GABRG1: variants seen among roughly 807,000 people sequenced by gnomAD.
GABRG1 encodes the protein gamma-aminobutyric acid type A receptor subunit gamma1, also known as gamma-aminobutyric acid receptor subunit gamma-1.
A neutral mutation model predicts 49.8 loss-of-function variants in GABRG1; 49 were observed. The observed-to-expected ratio is 0.98, with a 90% CI of 0.78 to 1.25. The LOEUF (loss-of-function observed/expected upper bound fraction) is 1.25, where lower values mean the gene tolerates loss of function less well. Among genes scored for constraint, GABRG1 ranks in the 50% most tolerant of loss-of-function variants. GABRG1 has a pLI of 0.00. For synonymous variants in GABRG1, 232 were observed against 185.1 expected, an observed-to-expected ratio of 1.25 and a Z score of -2.06; for missense variants, 552 against 552.3, an observed-to-expected ratio of 1.00 and a Z score of 0.01.
Position 46,040,918 on chromosome 4 carries a change from G to T in GABRG1, c.*70C>A. 1 of 1,441,194 alleles carries T rather than the reference G, an allele frequency of 6.9e-7. No individual in the cohort carries two copies. The highest frequency in any genetic ancestry group is 9.4e-7 in the Non-Finnish European group (1 of 1,060,100). The allele number at this position is 1,441,194 out of a possible 1,614,324, so 89.3% of individuals were successfully genotyped here. Reference sequence around the variant, plus strand: ...TCTGCATTTTAAATTTAAACTTCAAGTTACTGAAGCACAAAAGATTCTACT... The same window carrying T: ...TCTGCATTTTAAATTTAAACTTCAATTTACTGAAGCACAAAAGATTCTACT... On this transcript the variant is annotated 3_prime_UTR_variant, in exon 9 of 9. Transcript: ENST00000295452.
chr4:46,106,749 T>C (rs1347741720), intron 1 of GABRG1, among the ~76,000 whole-genome samples: 1 of 149,928 alleles, frequency 6.7e-6, no homozygotes, highest in East Asian at 2.0e-4. Flanking sequence ...TTCAGTCATT[T>C]TTTTGGTATA....
chr4:46,121,910 G>A (rs1370324746), intron 1 of GABRG1, among the ~76,000 whole-genome samples: 1 of 152,008 alleles, frequency 6.6e-6, no homozygotes, highest in Non-Finnish European at 1.5e-5. Flanking sequence ...AAAGTCCATA[G>A]TATTCACACT....
At chr4:46,121,755 G>A (rs1027842942) in intron 1 of GABRG1, among the ~76,000 whole-genome samples, 3 of 151,258 alleles carry the variant, frequency 2.0e-5, no homozygotes, top group Admixed American at 1.3e-4. Flanking sequence ...AGGCCGTAAG[G>A]GCTAATTAGA....
In GABRG1 at chr4:46,039,145, A is replaced by C. The variant is rs1435544836; in HGVS notation, c.*1843T>G. 3.3e-5 allele frequency: 5 copies of C among 151,720 alleles called. No individual in the cohort carries two copies. The highest frequency in any genetic ancestry group is 5.9e-5 in the Non-Finnish European group (4 of 67,730). 9.4% of individuals were successfully genotyped at this position (151,720 alleles called of 1,614,324 possible). A position where few individuals can be genotyped will look rare whatever the true frequency, so the allele number is the denominator to read the frequency against. On this transcript the variant is annotated 3_prime_UTR_variant, in exon 9 of 9. Coordinates refer to ENST00000295452, the MANE Select transcript of GABRG1 (RefSeq NM_173536.4). ...TTTATTTATCCTTAAATGAATGCTCACTTTCAAAACATCCATCAGTACTCA... is the reference window on the plus strand; with the variant it reads ...TTTATTTATCCTTAAATGAATGCTCCCTTTCAAAACATCCATCAGTACTCA...
chr4:46,048,370 A>AGAAGGAAGGAAGGAAGGAAGGAAGGAAG (rs143416418), intron 8 of GABRG1, among the ~76,000 whole-genome samples: 8 of 121,392 alleles, frequency 6.6e-5, no homozygotes, highest in Admixed American at 4.4e-4. Flanking sequence ...AATGGAATAG[A>AGAAGGAAGGAAGGAAGGAAGGAAGGAAG]GAAGGAAGGA....
intron 3 of GABRG1, among the ~76,000 whole-genome samples, chr4:46,077,694 T>C (rs1355877114): frequency 6.6e-6 from 1 of 151,916 alleles, no homozygotes; most frequent in African/African-American, 2.4e-5. Context: ...AGGTTTTATG[T>C]CTTCTGAAGA....
intron 3 of GABRG1, among the ~76,000 whole-genome samples, chr4:46,068,994 A>G (rs985829339): frequency 2.0e-5 from 3 of 152,108 alleles, no homozygotes; most frequent in African/African-American, 7.2e-5. Context: ...GCATTAGTGA[A>G]TAAATGTGAA....
intron 1 of GABRG1, among the ~76,000 whole-genome samples, chr4:46,109,952 T>C (rs971110903): frequency 1.3e-5 from 2 of 151,008 alleles, no homozygotes; most frequent in African/African-American, 4.8e-5. Context: ...GATCTTGGAG[T>C]AGGTTCCATG....
intron 7 of GABRG1, among the ~76,000 whole-genome samples, chr4:46,052,691 G>A (rs1253422909): frequency 6.6e-6 from 1 of 151,852 alleles, no homozygotes; most frequent in Non-Finnish European, 1.5e-5. Flanking sequence ...ATGGCCCCAT[G>A]AGCGGAATTG....
rs985109842 is a variant in GABRG1 at position 46,123,959 on chromosome 4, C to T, written c.-46G>A. The stretch of plus-strand genomic sequence containing the variant: ...TGCTGCACTAGCTCAATTCTCCCAG[C>T]CAGGACTTTTCCTCCCACCTCAGCA... On this transcript the variant is annotated 5_prime_UTR_variant, in exon 1 of 9. Coordinates refer to ENST00000295452, the MANE Select transcript of GABRG1 (RefSeq NM_173536.4). 30 of 1,468,706 alleles carry T rather than the reference C, an allele frequency of 2.0e-5. No homozygotes were observed. The highest frequency in any genetic ancestry group is 2.7e-5 in the Non-Finnish European group (28 of 1,051,498). 91.0% of individuals were successfully genotyped at this position (1,468,706 alleles called of 1,614,324 possible). A position where few individuals can be genotyped will look rare whatever the true frequency, so the allele number is the denominator to read the frequency against.
chr4:46,044,842 A>G (rs1717928158), intron 8 of GABRG1, among the ~76,000 whole-genome samples: 1 of 152,134 alleles, frequency 6.6e-6, no homozygotes, highest in African/African-American at 2.4e-5. Flanking sequence ...TAAACTCTAT[A>G]ACTTCTAAAA....
intron 1 of GABRG1, among the ~76,000 whole-genome samples, chr4:46,098,585 T>C (rs1283909222): frequency 6.6e-6 from 1 of 151,764 alleles, no homozygotes; most frequent in Non-Finnish European, 1.5e-5. Context: ...CTGATTTGAA[T>C]TGCTAAGAAA....
chr4:46,114,186 A>G (rs1327044929), intron 1 of GABRG1, among the ~76,000 whole-genome samples: 1 of 151,170 alleles, frequency 6.6e-6, no homozygotes, highest in Non-Finnish European at 1.5e-5. Flanking sequence ...TAAAAGAGTG[A>G]TAAATAACAG....
At chr4:46,117,777 CATACATGTATATACATAT>C (rs1464702546) in intron 1 of GABRG1, among the ~76,000 whole-genome samples, 2 of 139,658 alleles carry the variant, frequency 1.4e-5, no homozygotes, top group African/African-American at 2.7e-5. Context: ...TACATATATA[CATACATGTATATACATAT>C]ATACATATGT....
At chr4:46,081,146 A>G (rs979126117) in intron 3 of GABRG1, among the ~76,000 whole-genome samples, 1 of 151,724 alleles carries the variant, frequency 6.6e-6, no homozygotes, top group African/African-American at 2.4e-5. Flanking sequence ...GTCCTTAAAT[A>G]CATGTGTTCC....
intron 2 of GABRG1, among the ~76,000 whole-genome samples, chr4:46,090,116 G>A (rs144257422): frequency 1.0e-3 from 159 of 151,918 alleles, no homozygotes; most frequent in African/African-American, 3.7e-3. Flanking sequence ...AAAGACAAAG[G>A]GTACTAAAAC....
At chr4:46,076,181 A>T (rs1339349815) in intron 3 of GABRG1, among the ~76,000 whole-genome samples, 2 of 151,734 alleles carry the variant, frequency 1.3e-5, no homozygotes, top group Non-Finnish European at 2.9e-5. Context: ...TTTTCTAAAC[A>T]GTAGCTCTTT....
intron 5 of GABRG1, among the ~76,000 whole-genome samples, chr4:46,061,966 G>C (rs1249146967): frequency 6.6e-6 from 1 of 151,020 alleles, no homozygotes; most frequent in Non-Finnish European, 1.5e-5. Flanking sequence ...ATGCTGGTGT[G>C]CTGCACCCAT....
intron 2 of GABRG1, among the ~76,000 whole-genome samples, chr4:46,088,815 T>TTGTGTGTGTGTG (rs3069486): frequency 8.7e-4 from 114 of 131,658 alleles, no homozygotes; most frequent in African/African-American, 2.6e-3. Context: ...TTGTGTGTGT[T>TTGTGTGTGTGTG]TGTGTGTGTG....
Sources: gnomAD v4.1 joint callset for allele counts (sites outside exome capture counted in the v4.1 genomes callset) on GRCh38, gnomAD v4.1.1 for gene constraint, MANE v1.5 for transcripts, NCBI Gene and HGNC (gene_info 2026-07-23, HGNC 2026-07-21) for gene names.